The following TSHZ2 variants were observed in gnomAD, a reference collection of about 807,000 sequenced individuals.
TSHZ2 encodes the protein teashirt homolog 2.
A neutral mutation model predicts 74.4 loss-of-function variants in TSHZ2; 21 were observed. The observed-to-expected ratio is 0.28, with a 90% confidence interval of 0.20 to 0.41. The LOEUF (loss-of-function observed/expected upper bound fraction) is 0.41, where lower values mean the gene tolerates loss of function less well. TSHZ2 is among the 10% of genes least tolerant of loss of function. TSHZ2 has a pLI of 1.00. For missense variants in TSHZ2, 1,244 were observed against 1,293.5 expected, an observed-to-expected ratio of 0.96 and a Z score of 0.59; for synonymous variants, 540 against 515.3, an observed-to-expected ratio of 1.05 and a Z score of -0.65.
intron 2 of TSHZ2, among the ~76,000 whole-genome samples, chr20:53,372,996 A>G (rs1390741789): frequency 1.3e-5 from 2 of 152,010 alleles, no homozygotes; most frequent in African/African-American, 4.8e-5. Flanking sequence ...TTCTAACCAC[A>G]GTTCTTTATG....
intron 2 of TSHZ2, among the ~76,000 whole-genome samples, chr20:53,419,370 T>C (rs1983385833): frequency 6.6e-6 from 1 of 152,254 alleles, no homozygotes; most frequent in Admixed American, 6.5e-5. Context: ...GGAGGGTTGC[T>C]ATGAGGATGA....
At chr20:53,082,261 C>G (rs1381560476) in intron 1 of TSHZ2, among the ~76,000 whole-genome samples, 2 of 152,138 alleles carry the variant, frequency 1.3e-5, no homozygotes, top group Non-Finnish European at 2.9e-5. Flanking sequence ...TAAATAAGTC[C>G]CATTCTGCTC....
intron 1 of TSHZ2, among the ~76,000 whole-genome samples, chr20:53,245,315 G>A (rs569893501): frequency 1.3e-5 from 2 of 152,240 alleles, no homozygotes; most frequent in South Asian, 2.1e-4. Context: ...AAGGCTGAGG[G>A]GCCATCTTAT....
intron 1 of TSHZ2, among the ~76,000 whole-genome samples, chr20:53,182,167 T>C (rs1239367882): frequency 1.1e-5 from 1 of 89,474 alleles, no homozygotes; most frequent in Non-Finnish European, 2.5e-5. Context: ...CTTCCTTTTC[T>C]TTCTTTCTTC....
intron 1 of TSHZ2, among the ~76,000 whole-genome samples, chr20:53,117,505 A>G (rs542272569): frequency 1.3e-5 from 2 of 152,338 alleles, no homozygotes; most frequent in East Asian, 1.9e-4. Context: ...ATGTAAGACA[A>G]TCAGCTAGTG....
chr20:53,453,141 T>C (rs538411907), intron 2 of TSHZ2: 78 of 152,302 alleles, frequency 5.1e-4, no homozygotes, highest in African/African-American at 1.8e-3. Context: ...TTGGTAAATA[T>C]TGAATGAACT....
At chr20:53,291,091 A>G (rs924107497) in intron 2 of TSHZ2, among the ~76,000 whole-genome samples, 1 of 152,170 alleles carries the variant, frequency 6.6e-6, no homozygotes, top group African/African-American at 2.4e-5. Flanking sequence ...CCATATTCCC[A>G]TGTCTCCTCA....
At position 53,439,189 on chromosome 20, in the gene TSHZ2, C is replaced by T. The variant is rs146928249; in HGVS notation, c.*9-47955C>T. Among the ~76,000 whole-genome samples the T allele has an allele frequency of 8.1e-4, 124 of 152,232 alleles. 2 individuals carry two copies. Among genetic ancestry groups the T allele is most frequent in the African/African-American group, 2.6e-3 (110 of 41,532 alleles). ...TCTTCCTCTGACACTCACAGTTATA[C>T]TGTATTTGGCCAAGCAGAGATCACA... is the stretch of plus-strand genomic sequence containing the variant. On this transcript the variant is annotated intron_variant, in intron 2 of 2. Coordinates refer to ENST00000371497, the MANE Select transcript of TSHZ2 (RefSeq NM_173485.6).
At chr20:53,206,103 C>T (rs1489070191) in intron 1 of TSHZ2, among the ~76,000 whole-genome samples, 1 of 152,142 alleles carries the variant, frequency 6.6e-6, no homozygotes, top group Non-Finnish European at 1.5e-5. Context: ...CCTGTAATCC[C>T]AGCTACTCAG....
rs1399068788 is a variant in TSHZ2, at chr20:53,221,395, A to G, written c.41-32104A>G. Among the ~76,000 whole-genome samples, 5 of 152,366 alleles carry G rather than the reference A, an allele frequency of 3.3e-5. 1 individual carries two copies. The South Asian group carries it at 1.0e-3, about 32-fold the overall frequency. On this transcript the variant is annotated intron_variant, in intron 1 of 2. Coordinates refer to ENST00000371497, the MANE Select transcript of TSHZ2 (RefSeq NM_173485.6). The stretch of plus-strand genomic sequence containing the variant: ...TAAGTGTTGGTAACTACATTTAAAA[A>G]TAAATACTGTGGGTATCTATAGGGG...
At chr20:53,271,439 T>C (rs1291326896) in intron 2 of TSHZ2, among the ~76,000 whole-genome samples, 1 of 152,192 alleles carries the variant, frequency 6.6e-6, no homozygotes, top group Non-Finnish European at 1.5e-5. Flanking sequence ...CAAGAGCTAC[T>C]CTCATAATAA....
At chr20:53,096,651 G>A (rs143431717) in intron 1 of TSHZ2, among the ~76,000 whole-genome samples, 2 of 152,008 alleles carry the variant, frequency 1.3e-5, no homozygotes, top group Non-Finnish European at 2.9e-5. Flanking sequence ...GGGAGGCCGA[G>A]GGGGGTGGAT....
chr20:53,251,856 A>T (rs1990338950), intron 1 of TSHZ2, among the ~76,000 whole-genome samples: 1 of 152,186 alleles, frequency 6.6e-6, no homozygotes, highest in South Asian at 2.1e-4. Flanking sequence ...TTTGGGTCTC[A>T]TCAAAGGGTT....
At chr20:53,214,652 G>A (rs1989393047) in intron 1 of TSHZ2, among the ~76,000 whole-genome samples, 1 of 152,108 alleles carries the variant, frequency 6.6e-6, no homozygotes, top group Admixed American at 6.5e-5. Flanking sequence ...GGTGGAGGCC[G>A]AGGTGACCAG....
chr20:53,114,553 G>A (rs193226391), intron 1 of TSHZ2, among the ~76,000 whole-genome samples: 1 of 152,318 alleles, frequency 6.6e-6, no homozygotes, highest in African/African-American at 2.4e-5. Context: ...CAAATTACAT[G>A]TGTTGGGCAC....
intron 2 of TSHZ2, among the ~76,000 whole-genome samples, chr20:53,409,009 T>C (rs1438340663): frequency 1.3e-5 from 2 of 152,182 alleles, no homozygotes; most frequent in Admixed American, 6.5e-5. Flanking sequence ...TGGGCAATGA[T>C]TGGGATAATT....
At chr20:53,070,033 C>T (rs1418446112) in intron 1 of TSHZ2, among the ~76,000 whole-genome samples, 1 of 152,118 alleles carries the variant, frequency 6.6e-6, no homozygotes, top group Non-Finnish European at 1.5e-5. Flanking sequence ...TAATGAATGT[C>T]AGGTAAACCA....
chr20:53,019,823 T>C (rs1983173626), intron 1 of TSHZ2, among the ~76,000 whole-genome samples: 2 of 152,198 alleles, frequency 1.3e-5, no homozygotes, highest in South Asian at 4.1e-4. Flanking sequence ...GCTTGTCCAG[T>C]GGAGAAAGTC....
At position 53,256,535 on chromosome 20, in the gene TSHZ2, A is replaced by G; in HGVS notation, c.3077A>G (p.Gln1026Arg). The G allele has an allele frequency of 1.3e-6, 2 of 1,598,714 alleles. No individual in the cohort carries two copies. The part of the protein sequence containing the change: ...THSKSPEHHS[Q>R]FVTDVDEE ...AGCAAGTCACCCGAACACCATTCAC[A>G]GTTTGTAACAGACGTGGATGAAGAA... The change falls in exon 2 of 3, where the codon CAG becomes CGG. Residue 1026 changes from glutamine (Q) to arginine (R), a missense_variant. By Grantham distance (43) the Gln-to-Arg change is conservative. This residue lies in a region of TSHZ2 where 185 missense variants were observed against 213.3 expected (regional missense o/e 0.87). Transcript: ENST00000371497. This position sits in a 1 kb window ranked among gnomAD's most constrained non-coding sequence, Gnocchi z 4.3.
Sources: gnomAD v4.1 joint callset for allele counts (sites outside exome capture counted in the v4.1 genomes callset) on GRCh38, gnomAD v4.1.1 for gene constraint, gnomAD v4.1.1 regional missense constraint, Gnocchi (gnomAD v3.1) non-coding constraint, MANE v1.5 for transcripts, NCBI Gene and HGNC (gene_info 2026-07-23, HGNC 2026-07-21) for gene names.